Variants in ABCA12 observed in about 807,000 individuals in gnomAD.
ABCA12 encodes the protein ATP binding cassette subfamily A member 12.
A neutral mutation model predicts 293.5 loss-of-function variants in ABCA12; 156 were observed. That is an observed-to-expected ratio of 0.53 (90% CI 0.47 to 0.61). ABCA12 has a LOEUF of 0.61. ABCA12 is among the 20% of genes least tolerant of loss of function. The pLI, the probability that ABCA12 is intolerant of heterozygous loss-of-function variation, is 0.00. For missense variants in ABCA12, 2,797 were observed against 3,090.2 expected (o/e 0.91, Z 2.25); for synonymous variants, 1,063 against 1,108.0 (o/e 0.96, Z 0.81).
At chr2:215,061,838 C>A (rs1019751245) in intron 3 of ABCA12, among the ~76,000 whole-genome samples, 6 of 152,006 alleles carry the variant, frequency 3.9e-5, no homozygotes, top group Admixed American at 1.3e-4. Flanking sequence ...CCAAAACCAA[C>A]TCAGTGTCTC....
rs1701341991 is a variant in ABCA12 at position 215,052,603 on chromosome 2, C to G, written c.410-19G>C. On this transcript the variant is annotated intron_variant, in intron 4 of 52. Coordinates refer to ENST00000272895, the MANE Select transcript of ABCA12 (RefSeq NM_173076.3). The stretch of plus-strand genomic sequence containing the variant: ...ACTGTGGCTGTAATCAAAGAAGGAA[C>G]AGATTAGCATTCCACACACACACAC... The G allele has an allele frequency of 6.3e-7, 1 of 1,588,712 alleles. No individual in the cohort carries two copies.
chr2:215,018,907 A>C (rs1185936362), intron 13 of ABCA12, among the ~76,000 whole-genome samples: 1 of 152,234 alleles, frequency 6.6e-6, no homozygotes, highest in East Asian at 1.9e-4. Context: ...AACGTATTGC[A>C]TGATACCTCA....
chr2:214,973,566 T>C (rs1270236989), intron 36 of ABCA12, among the ~76,000 whole-genome samples: 2 of 152,174 alleles, frequency 1.3e-5, no homozygotes, highest in East Asian at 3.9e-4. Flanking sequence ...TCTAGACTTA[T>C]ACATTATTGA....
At chr2:215,025,609 TTG>T (rs2106022000) in intron 11 of ABCA12, 62 bp downstream of exon 11, 10 of 1,107,338 alleles carry the variant, frequency 9.0e-6, no homozygotes, top group Admixed American at 2.4e-5. Context: ...GGTTTTTTTT[TTG>T]TTTGTTTTGT....
chr2:214,987,850 T>C, intron 26 of ABCA12, 57 bp from the exon 27 acceptor site: 1 of 1,586,928 alleles, frequency 6.3e-7, no homozygotes, highest in Admixed American at 1.7e-5. Context: ...ACATTTATCA[T>C]CAGAAACAAA....
chr2:215,100,490 T>C (rs1161727774), intron 2 of ABCA12, among the ~76,000 whole-genome samples: 4 of 152,250 alleles, frequency 2.6e-5, no homozygotes, highest in African/African-American at 4.8e-5. Context: ...GCCTATTTAA[T>C]ATTTATTTTC....
chr2:214,943,041 T>A, intron 49 of ABCA12, 24 bp from the exon 50 acceptor site: 1 of 1,596,344 alleles, frequency 6.3e-7, no homozygotes, highest in Non-Finnish European at 8.6e-7. Context: ...CAGGATCATA[T>A]TAGCATTCAG....
At chr2:215,020,292 GCACACA>G (rs55917549) in intron 11 of ABCA12, among the ~76,000 whole-genome samples, 7 of 148,696 alleles carry the variant, frequency 4.7e-5, no homozygotes, top group Non-Finnish European at 8.9e-5. Context: ...GGGAATGTAT[GCACACA>G]CACACACACA....
At chr2:215,075,977 C>A (rs997516758) in intron 2 of ABCA12, among the ~76,000 whole-genome samples, 3 of 152,322 alleles carry the variant, frequency 2.0e-5, no homozygotes, top group Admixed American at 1.3e-4. Context: ...CAGATCCTAT[C>A]ACTCCTCAAC....
chr2:215,125,828 T>C (rs1208442845), intron 1 of ABCA12, among the ~76,000 whole-genome samples: 3 of 152,184 alleles, frequency 2.0e-5, no homozygotes, highest in African/African-American at 7.2e-5. Flanking sequence ...CTTCCAGTAC[T>C]AAGTTGAAGA....
Position 215,019,610 on chromosome 2 carries a change from T to C in ABCA12, c.1474A>G (p.Asn492Asp). 1 of 1,614,240 alleles carries C rather than the reference T, an allele frequency of 6.2e-7. No homozygotes were observed. Among genetic ancestry groups the C allele is most frequent in the Non-Finnish European group, 8.5e-7 (1 of 1,180,046 alleles). ...TCTCTCACTTTTTTAGATATGACAT[T>C]GTCATGGTACAGTAAGCTGGCTGCT... ...EIAASLLYHDNVISKKVRDLL... is the reference protein window; with the variant it reads ...EIAASLLYHDDVISKKVRDLL... Residue 492 changes from asparagine (N) to aspartate (D), a missense_variant, in exon 12 of 53, where the codon AAT becomes GAT. Asn to Asp is a conservative substitution (Grantham distance 23). This residue lies in a region of ABCA12 where 656 missense variants were observed against 638.2 expected (regional missense o/e 1.03). Transcript: ENST00000272895.
At chr2:215,032,284 ATTTT>A (rs5838481) in intron 8 of ABCA12, 322 of 176,644 alleles carry the variant, frequency 1.8e-3, no homozygotes, top group South Asian at 4.5e-3. Flanking sequence ...GGGTCACTGG[ATTTT>A]TTTTTTTTTT....
intron 33 of ABCA12, among the ~76,000 whole-genome samples, chr2:214,977,988 T>C (rs1699558877): frequency 6.6e-6 from 1 of 151,916 alleles, no homozygotes; most frequent in Non-Finnish European, 1.5e-5. Context: ...TTAGCCCCGA[T>C]TACAAGAAGA....
intron 2 of ABCA12, among the ~76,000 whole-genome samples, chr2:215,088,505 C>A (rs1016852357): frequency 1.3e-5 from 2 of 152,120 alleles, no homozygotes; most frequent in Admixed American, 6.5e-5. Context: ...GTGTAATATA[C>A]CCACATTTCC....
In ABCA12 at chr2:215,011,667, A is replaced by G. The variant is rs758203633; in HGVS notation, c.2122-18T>C. ...TACATTGCCTGTGAGACAAAAATCC[A>G]CAATTTATTGACACTATATGAGCTT... On this transcript the variant is annotated intron_variant, in intron 16 of 52. Coordinates refer to ENST00000272895, the MANE Select transcript of ABCA12 (RefSeq NM_173076.3). 1.2e-6 allele frequency: 2 copies of G among 1,611,590 alleles called. No individual in the cohort carries two copies. The highest frequency in any genetic ancestry group is 4.5e-5 in the East Asian group (2 of 44,858).
At chr2:215,066,263 A>C (rs369492530) in intron 2 of ABCA12, among the ~76,000 whole-genome samples, 1 of 152,124 alleles carries the variant, frequency 6.6e-6, no homozygotes, top group East Asian at 1.9e-4. Context: ...TGAATTTATT[A>C]CTACTCTCTG....
chr2:214,993,011 G>A (rs996349404), intron 23 of ABCA12, among the ~76,000 whole-genome samples: 4 of 151,804 alleles, frequency 2.6e-5, no homozygotes, highest in South Asian at 4.2e-4. Flanking sequence ...CAAATGCATC[G>A]GATCTTTTGC....
intron 2 of ABCA12, among the ~76,000 whole-genome samples, chr2:215,073,687 C>T (rs1001013265): frequency 1.3e-5 from 2 of 152,176 alleles, no homozygotes; most frequent in African/African-American, 4.8e-5. Flanking sequence ...TGCAGTGCCA[C>T]TGCATCTGTT....
At chr2:215,022,661 A>T (rs1386795174) in intron 11 of ABCA12, 2 of 152,198 alleles carry the variant, frequency 1.3e-5, no homozygotes. Flanking sequence ...GACTAATGCC[A>T]TTTCCAGCTG....
Sources: gnomAD v4.1 joint callset for allele counts (sites outside exome capture counted in the v4.1 genomes callset) on GRCh38, gnomAD v4.1.1 for gene constraint, gnomAD v4.1.1 regional missense constraint, MANE v1.5 for transcripts, NCBI Gene and HGNC (gene_info 2026-07-23, HGNC 2026-07-21) for gene names.